The following TG variants were observed in gnomAD, a reference collection of about 807,000 sequenced individuals.
TG encodes thyroglobulin.
TG carries 270 observed loss-of-function variants against 324.7 expected under a neutral mutation model. That is an observed-to-expected ratio of 0.83 (90% confidence interval 0.75 to 0.92). TG has a LOEUF of 0.92. TG is among the 40% of genes least tolerant of loss of function. TG has a pLI of 0.00. For missense variants in TG, 3,591 were observed against 3,456.4 expected (o/e 1.04, Z -0.98); for synonymous variants, 1,401 against 1,327.0 (o/e 1.06, Z -1.21).
At chr8:133,115,121 CA>C (rs934504952) in intron 44 of TG, among the ~76,000 whole-genome samples, 12 of 150,774 alleles carry the variant, frequency 8.0e-5, no homozygotes, top group Non-Finnish European at 1.8e-4. Flanking sequence ...GGCTAGAGAT[CA>C]AAAAACCTAG....
intron 27 of TG, among the ~76,000 whole-genome samples, chr8:132,958,379 CTATCTATCTATCT>C (rs1827243669): frequency 6.6e-6 from 1 of 151,490 alleles, no homozygotes; most frequent in Non-Finnish European, 1.5e-5. Flanking sequence ...ATCTATCTAT[CTATCTATCTATCT>C]TTAAAGAATC....
At chr8:132,981,691 C>T (rs1830869668) in intron 34 of TG, among the ~76,000 whole-genome samples, 1 of 152,236 alleles carries the variant, frequency 6.6e-6, no homozygotes, top group Non-Finnish European at 1.5e-5. Context: ...GACCTCAGAT[C>T]CCATCCCAGA....
In TG at chr8:132,913,284, T is replaced by C. The variant is rs1374840562; in HGVS notation, c.4378+19T>C. 3.1e-6 allele frequency: 5 copies of C among 1,611,660 alleles called. No individual in the cohort carries two copies. Among genetic ancestry groups the C allele is most frequent in the Non-Finnish European group, 3.4e-6 (4 of 1,178,368 alleles). On this transcript the variant is annotated intron_variant, in intron 20 of 47. Transcript: ENST00000220616. ...GGATGCGGTAGGTCCACTCTCTCCC[T>C]GGATATCTCCTGTGGAGCCATGTGA...
At chr8:132,891,739 G>A (rs1359173012) in intron 10 of TG, among the ~76,000 whole-genome samples, 3 of 152,062 alleles carry the variant, frequency 2.0e-5, no homozygotes, top group Non-Finnish European at 2.9e-5. Flanking sequence ...TTTTTGCTTC[G>A]GACATTCAAA....
intron 16 of TG, among the ~76,000 whole-genome samples, chr8:132,904,745 A>T (rs1818426125): frequency 6.6e-6 from 1 of 152,222 alleles, no homozygotes; most frequent in Non-Finnish European, 1.5e-5. Flanking sequence ...GGGAGGGTAA[A>T]AAAAACAAAA....
intron 41 of TG, among the ~76,000 whole-genome samples, chr8:133,064,623 G>GAA (rs1438761396): frequency 6.6e-6 from 1 of 152,250 alleles, no homozygotes; most frequent in Non-Finnish European, 1.5e-5. Context: ...CATTTGAGCA[G>GAA]AAACATGGCA....
At chr8:132,992,085 T>G (rs2130773373) in intron 35 of TG, among the ~76,000 whole-genome samples, 1 of 152,280 alleles carries the variant, frequency 6.6e-6, no homozygotes, top group East Asian at 1.9e-4. Flanking sequence ...TTCATCTGCC[T>G]TGGCTGCCTT....
At chr8:132,980,759 G>C (rs770371762) in intron 34 of TG, among the ~76,000 whole-genome samples, 1 of 152,158 alleles carries the variant, frequency 6.6e-6, no homozygotes, top group Non-Finnish European at 1.5e-5. Context: ...CTGGTCCAGA[G>C]GGTTGAAGAA....
At chr8:132,946,628 C>G (rs1200973994) in intron 26 of TG, among the ~76,000 whole-genome samples, 1 of 152,144 alleles carries the variant, frequency 6.6e-6, no homozygotes, top group East Asian at 1.9e-4. Flanking sequence ...CCCAACAAGT[C>G]TCTAGCCTCC....
intron 22 of TG, among the ~76,000 whole-genome samples, chr8:132,927,814 A>G (rs1033946789): frequency 6.6e-6 from 1 of 152,256 alleles, no homozygotes; most frequent in African/African-American, 2.4e-5. Flanking sequence ...ATCAAGACTT[A>G]GGGACACTGT....
chr8:133,017,631 G>A (rs1835157642), intron 37 of TG, 147 bp from the exon 38 acceptor site: 2 of 798,548 alleles, frequency 2.5e-6, no homozygotes, highest in Non-Finnish European at 2.1e-6. Context: ...CATTTAAGCT[G>A]TAGGGGTCTG....
intron 41 of TG, among the ~76,000 whole-genome samples, chr8:133,080,635 A>G (rs979004900): frequency 1.3e-5 from 2 of 152,106 alleles, no homozygotes; most frequent in Admixed American, 1.3e-4. Context: ...CTTTCCTGGC[A>G]TTCAAAGCTC....
In TG at chr8:132,871,371, A is replaced by G; in HGVS notation, c.298A>G (p.Lys100Glu). The change falls in exon 4 of 48, where the codon AAA becomes GAA. Residue 100 changes from lysine (K) to glutamate (E), a missense_variant. Lys to Glu is a moderately conservative substitution (Grantham distance 56, BLOSUM62 1). Transcript: ENST00000220616. ...AGGTCTGTCATTTTGTCAGCTACAG[A>G]AACAGCAGATCTTACTGAGTGGCTA... The part of the protein sequence containing the change: ...VACLSFCQLQ[K>E]QQILLSGYIN... 6.2e-7 allele frequency: 1 copy of G among 1,614,212 alleles called. No individual in the cohort carries two copies. The highest frequency in any genetic ancestry group is 8.5e-7 in the Non-Finnish European group (1 of 1,180,038).
intron 32 of TG, among the ~76,000 whole-genome samples, chr8:132,970,897 A>G (rs1829412216): frequency 6.6e-6 from 1 of 152,202 alleles, no homozygotes; most frequent in African/African-American, 2.4e-5. Flanking sequence ...GGTGACTTGC[A>G]GGCATCAGGG....
At chr8:132,957,238 G>A (rs978442287) in intron 27 of TG, among the ~76,000 whole-genome samples, 2 of 152,144 alleles carry the variant, frequency 1.3e-5, no homozygotes, top group Non-Finnish European at 2.9e-5. Context: ...CTACAAAGGT[G>A]CTCTACATAC....
chr8:133,030,285 G>A lies in TG; in HGVS notation c.7239+262G>A, dbSNP rs868067024. ...TCTATTTCCTGAGAGTGGTTCATTA[G>A]GATTTAGTGATCTGAACCATCAATT... On this transcript the variant is annotated intron_variant, in intron 41 of 47. Transcript: ENST00000220616. Among the ~76,000 whole-genome samples, 12 of 152,262 alleles carry A rather than the reference G, an allele frequency of 7.9e-5. No homozygotes were observed. The South Asian group carries it at 1.0e-3, about 13-fold the overall frequency.
chr8:132,991,731 C>G (rs1293879057), intron 35 of TG, among the ~76,000 whole-genome samples: 1 of 151,990 alleles, frequency 6.6e-6, no homozygotes, highest in Admixed American at 6.5e-5. Context: ...ACTCAGCACG[C>G]GGGAACTCCA....
At chr8:132,982,564 G>T (rs1360146408) in intron 34 of TG, among the ~76,000 whole-genome samples, 2 of 152,200 alleles carry the variant, frequency 1.3e-5, no homozygotes, top group Admixed American at 6.5e-5. Flanking sequence ...GCTTCCAAGT[G>T]GTCTGATGAG....
chr8:133,005,956 C>A (rs919903492), intron 35 of TG, among the ~76,000 whole-genome samples: 1 of 152,174 alleles, frequency 6.6e-6, no homozygotes. Context: ...CCTACTCCAT[C>A]TTCTCCCTGC....
Sources: allele counts gnomAD v4.1 joint callset (sites outside exome capture counted in the v4.1 genomes callset), GRCh38; gene constraint gnomAD v4.1.1; transcripts MANE v1.5; gene names NCBI Gene and HGNC (gene_info 2026-07-23, HGNC 2026-07-21).